Variants in CNTN6 observed in about 807,000 individuals in gnomAD.
The protein encoded by CNTN6 is contactin-6.
A neutral mutation model predicts 122.8 loss-of-function variants in CNTN6; 137 were observed. The observed-to-expected ratio is 1.12, with a 90% confidence interval of 0.97 to 1.29. The LOEUF is 1.29. Among genes scored for constraint, CNTN6 ranks in the 50% most tolerant of loss-of-function variants. The pLI is 0.00. For missense variants in CNTN6, 1,634 were observed against 1,223.4 expected, an observed-to-expected ratio of 1.34 and a Z score of -5.01; for synonymous variants, 570 against 426.0, an observed-to-expected ratio of 1.34 and a Z score of -4.16.
At chr3:1,361,211 A>G (rs1041678818) in intron 12 of CNTN6, among the ~76,000 whole-genome samples, 1 of 152,130 alleles carries the variant, frequency 6.6e-6, no homozygotes, top group African/African-American at 2.4e-5. Flanking sequence ...ACCTTGACAC[A>G]CACAAGAAAA....
intron 11 of CNTN6, among the ~76,000 whole-genome samples, chr3:1,332,191 A>G (rs1702383240): frequency 1.3e-5 from 2 of 151,962 alleles, no homozygotes; most frequent in South Asian, 4.1e-4. Flanking sequence ...GAATGTAGTA[A>G]TTACAGTCAC....
At chr3:1,117,475 C>T (rs754026251) in intron 1 of CNTN6, among the ~76,000 whole-genome samples, 1 of 152,090 alleles carries the variant, frequency 6.6e-6, no homozygotes, top group African/African-American at 2.4e-5. Context: ...TTTGTTTGAT[C>T]GGTATGTGAC....
intron 5 of CNTN6, among the ~76,000 whole-genome samples, chr3:1,294,728 C>G (rs765170905): frequency 1.1e-4 from 17 of 152,138 alleles, no homozygotes; most frequent in Admixed American, 2.0e-4. Flanking sequence ...TCTAGTTTAT[C>G]GTGCCGGTTT....
At chr3:1,286,338 C>T (rs1186896982) in intron 5 of CNTN6, among the ~76,000 whole-genome samples, 1 of 152,122 alleles carries the variant, frequency 6.6e-6, no homozygotes, top group Non-Finnish European at 1.5e-5. Flanking sequence ...CTAATGCTAT[C>T]CCTCCCTTAG....
At chr3:1,358,740 A>G (rs1345795984) in intron 12 of CNTN6, among the ~76,000 whole-genome samples, 2 of 152,000 alleles carry the variant, frequency 1.3e-5, no homozygotes, top group African/African-American at 4.8e-5. Flanking sequence ...ATTAACACCT[A>G]TTGACAGGCA....
chr3:1,372,149 A>G (rs190634316), intron 12 of CNTN6, 150 bp from the exon 13 acceptor site: 66 of 497,778 alleles, frequency 1.3e-4, no homozygotes, highest in African/African-American at 1.3e-3. Flanking sequence ...ATTTAAAAAC[A>G]GGCAAAGGAA....
At chr3:1,336,630 A>G (rs539758619) in intron 11 of CNTN6, among the ~76,000 whole-genome samples, 1 of 152,284 alleles carries the variant, frequency 6.6e-6, no homozygotes, top group South Asian at 2.1e-4. Flanking sequence ...TTATCCTACA[A>G]TAATGCTACT....
intron 4 of CNTN6, among the ~76,000 whole-genome samples, chr3:1,273,680 A>T (rs1400612411): frequency 6.6e-6 from 1 of 152,226 alleles, no homozygotes; most frequent in Non-Finnish European, 1.5e-5. Flanking sequence ...AAACCTGTGA[A>T]CTACTAACAT....
chr3:1,158,821 C>T (rs370551209), intron 2 of CNTN6, among the ~76,000 whole-genome samples: 18 of 27,240 alleles, frequency 6.6e-4, no homozygotes, highest in African/African-American at 1.7e-3. Context: ...TATATACACA[C>T]ACATATATAT....
chr3:1,249,450 C>T (rs2094628505), intron 4 of CNTN6, among the ~76,000 whole-genome samples: 1 of 152,098 alleles, frequency 6.6e-6, no homozygotes, highest in Admixed American at 6.5e-5. Flanking sequence ...GAATAAAGCA[C>T]CAGGAAAAAA....
intron 20 of CNTN6, among the ~76,000 whole-genome samples, chr3:1,388,217 G>A (rs1321240069): frequency 2.0e-5 from 3 of 149,890 alleles, no homozygotes; most frequent in Admixed American, 6.7e-5. Flanking sequence ...GGAGATCTGA[G>A]AACTGGCACA....
intron 7 of CNTN6, among the ~76,000 whole-genome samples, chr3:1,305,490 T>C (rs1385107781): frequency 6.6e-6 from 1 of 152,144 alleles, no homozygotes; most frequent in Non-Finnish European, 1.5e-5. Context: ...ATTAATTGTA[T>C]TGTGAAATAC....
At chr3:1,103,102 T>A (rs1459758062) in intron 1 of CNTN6, among the ~76,000 whole-genome samples, 4 of 151,976 alleles carry the variant, frequency 2.6e-5, no homozygotes, top group Non-Finnish European at 5.9e-5. Flanking sequence ...CCAGACTCCG[T>A]CTCAAAAAAT....
intron 1 of CNTN6, among the ~76,000 whole-genome samples, chr3:1,117,994 G>A (rs2091794411): frequency 6.6e-6 from 1 of 152,074 alleles, no homozygotes; most frequent in Non-Finnish European, 1.5e-5. Context: ...TTGTGCTTCT[G>A]GTAATCACTT....
intron 10 of CNTN6, among the ~76,000 whole-genome samples, chr3:1,329,089 A>T (rs939193286): frequency 1.3e-5 from 2 of 151,386 alleles, no homozygotes; most frequent in African/African-American, 4.8e-5. Flanking sequence ...ATATATGTAT[A>T]TATGTGTATA....
chr3:1,152,257 G>A (rs1430736246), intron 2 of CNTN6, among the ~76,000 whole-genome samples: 3 of 151,912 alleles, frequency 2.0e-5, no homozygotes, highest in Non-Finnish European at 4.4e-5. Flanking sequence ...TCCTGCCTCA[G>A]CCTCTTGAGT....
chr3:1,374,762 G>T (rs560098131), intron 16 of CNTN6, among the ~76,000 whole-genome samples: 3 of 152,184 alleles, frequency 2.0e-5, no homozygotes, highest in South Asian at 4.1e-4. Context: ...AGGATCACTT[G>T]TCATGGCTAG....
At chr3:1,279,477 T>C (rs1393076351) in intron 5 of CNTN6, among the ~76,000 whole-genome samples, 6 of 152,178 alleles carry the variant, frequency 3.9e-5, no homozygotes, top group Admixed American at 3.9e-4. Flanking sequence ...CAAAAACTTA[T>C]AAGAGATATA....
intron 7 of CNTN6, among the ~76,000 whole-genome samples, chr3:1,314,327 T>A (rs966069194): frequency 6.6e-6 from 1 of 152,034 alleles, no homozygotes; most frequent in Non-Finnish European, 1.5e-5. Context: ...TCTCTTTGAT[T>A]AAAACTGGCC....
Sources: gnomAD v4.1 joint callset for allele counts (sites outside exome capture counted in the v4.1 genomes callset) on GRCh38, gnomAD v4.1.1 for gene constraint, MANE v1.5 for transcripts, NCBI Gene and HGNC (gene_info 2026-07-23, HGNC 2026-07-21) for gene names.